ZNRF4: variants seen among roughly 807,000 people sequenced by gnomAD.
ZNRF4 encodes the protein E3 ubiquitin-protein ligase ZNRF4.
For synonymous variants in ZNRF4, 291 were observed against 285.9 expected, an observed-to-expected ratio of 1.02 and a Z score of -0.18; for missense variants, 569 against 609.4, an observed-to-expected ratio of 0.93 and a Z score of 0.70.
At position 5,455,852 on chromosome 19, in the gene ZNRF4, G is replaced by T; in HGVS notation, c.361G>T (p.Gly121Cys). 1.2e-6 allele frequency: 2 copies of T among 1,603,838 alleles called. No individual in the cohort carries two copies. Among genetic ancestry groups the T allele is most frequent in the Non-Finnish European group, 8.5e-7 (1 of 1,179,810 alleles). ...VDFADLPALF[G>C]VPLAPEGIRG... Reference sequence around the variant, plus strand: ...CTTTGCGGATCTGCCGGCGCTGTTCGGCGTCCCCCTGGCCCCCGAGGGCAT... The same window carrying T: ...CTTTGCGGATCTGCCGGCGCTGTTCTGCGTCCCCCTGGCCCCCGAGGGCAT... Residue 121 changes from glycine (G) to cysteine (C), a missense_variant, in exon 1 of 1, where the codon GGC (glycine) becomes TGC (cysteine). Gly to Cys is a radical substitution (Grantham distance 159, BLOSUM62 -3). Transcript: ENST00000222033.
rs535122479 is a variant in ZNRF4, at chr19:5,456,053, G to A, written c.562G>A (p.Val188Ile). 2.2e-5 allele frequency: 36 copies of A among 1,603,542 alleles called. No individual in the cohort carries two copies. In the East Asian group the frequency reaches 3.6e-4, roughly 16 times the overall value. ...AGFEAAIVHN[V>I]HSDDLVSMTH... ...CTTCGAGGCGGCCATCGTGCACAAC[G>A]TCCACTCCGACGACCTCGTGAGCAT... The change falls in exon 1 of 1, where the codon GTC (valine) becomes ATC (isoleucine). Residue 188 changes from valine (V) to isoleucine (I), a missense_variant. Transcript: ENST00000222033.
In ZNRF4 at chr19:5,455,721, G is replaced by A; in HGVS notation, c.230G>A (p.Gly77Asp). 6.2e-7 allele frequency: 1 copy of A among 1,607,082 alleles called. No homozygotes were observed. Among genetic ancestry groups the A allele is most frequent in the Non-Finnish European group, 8.5e-7 (1 of 1,179,808 alleles). Reference protein sequence around the residue: ...KRVTMGWPRPGRALVAVKALL... With the variant: ...KRVTMGWPRPDRALVAVKALL... The stretch of plus-strand genomic sequence containing the variant: ...GTGACCATGGGGTGGCCACGGCCGG[G>A]CCGAGCCCTCGTGGCAGTCAAAGCC... Residue 77 changes from glycine to aspartate, a missense_variant, in exon 1 of 1, where the codon GGC (glycine) becomes GAC (aspartate). Transcript: ENST00000222033.
chr19:5,456,295 C>T lies in ZNRF4; in HGVS notation c.804C>T (p.Ala268=), dbSNP rs1440599969. The change falls in exon 1 of 1, where the codon GCC becomes GCT. Residue 268 remains alanine, a synonymous_variant. Coordinates refer to ENST00000222033, the MANE Select transcript of ZNRF4 (RefSeq NM_181710.4). ...GTACCCTGGCCCTGGTCGTATCAGC[C>T]TTCTTTGTCCTGAACCACCTGTGGC... is the stretch of plus-strand genomic sequence containing the variant. ...LGCTLALVVS[A]FFVLNHLWLW... The T allele has an allele frequency of 1.9e-6, 3 of 1,613,858 alleles. No homozygotes were observed. Among genetic ancestry groups the T allele is most frequent in the Non-Finnish European group, 8.5e-7 (1 of 1,180,050 alleles).
Position 5,456,481 on chromosome 19 carries a change from C to T in ZNRF4, c.990C>T (p.Thr330=). ...DQLKILPCSH[T]YHCKCIDPWF... ...TCAAGATCCTGCCCTGCTCCCACACCTACCACTGCAAATGCATTGACCCCT... is the reference window on the plus strand; with the variant it reads ...TCAAGATCCTGCCCTGCTCCCACACTTACCACTGCAAATGCATTGACCCCT... Residue 330 remains threonine (T), a synonymous_variant, in exon 1 of 1, where the codon ACC becomes ACT. Transcript: ENST00000222033. 6.2e-7 allele frequency: 1 copy of T among 1,614,166 alleles called. No individual in the cohort carries two copies. Among genetic ancestry groups the T allele is most frequent in the Non-Finnish European group, 8.5e-7 (1 of 1,180,044 alleles).
Position 5,455,514 on chromosome 19 carries a change from A to G in ZNRF4, c.23A>G (p.His8Arg). 6.2e-7 allele frequency: 1 copy of G among 1,611,304 alleles called. No individual in the cohort carries two copies. Among genetic ancestry groups the G allele is most frequent in the Non-Finnish European group, 8.5e-7 (1 of 1,179,092 alleles). The change falls in exon 1 of 1, where the codon CAC becomes CGC. Residue 8 changes from histidine (H) to arginine (R), a missense_variant. Transcript: ENST00000222033. ...CGCATGCCGCTCTGCCGTCCGGAGCACTTAATGCCTAGAGCCAGCAGGGTC... is the reference window on the plus strand; with the variant it reads ...CGCATGCCGCTCTGCCGTCCGGAGCGCTTAATGCCTAGAGCCAGCAGGGTC... MPLCRPEHLMPRASRVPV... is the reference protein window; with the variant it reads MPLCRPERLMPRASRVPV...
Position 5,456,149 on chromosome 19 carries a change from C to T in ZNRF4, c.658C>T (p.Gln220Ter). The change falls in exon 1 of 1, where the codon CAG (glutamine) becomes TAG (stop). Residue 220 changes from glutamine to a stop codon, truncating the protein, a stop_gained. Coordinates refer to ENST00000222033, the MANE Select transcript of ZNRF4 (RefSeq NM_181710.4). LOFTEE classifies it low-confidence loss of function (END_TRUNC). ...PSVFVSEAAS[Q>*]DLRVILGCNK... is the part of the protein sequence containing the mutation. ...AGTGTTCGTGAGCGAGGCCGCCTCG[C>T]AGGACCTGCGGGTCATCCTGGGCTG... 6.2e-7 allele frequency: 1 copy of T among 1,607,262 alleles called. No individual in the cohort carries two copies. Among genetic ancestry groups the T allele is most frequent in the Non-Finnish European group, 8.5e-7 (1 of 1,179,836 alleles).
In ZNRF4 at chr19:5,456,486, AC is replaced by A; in HGVS notation, c.996del (p.Cys333AlafsTer?). On this transcript the variant is annotated frameshift_variant, in exon 1 of 1. Coordinates refer to ENST00000222033, the MANE Select transcript of ZNRF4 (RefSeq NM_181710.4). LOFTEE classifies it low-confidence loss of function (END_TRUNC). The part of the protein sequence containing the change: ...LKILPCSHTY[H>X]CKCIDPWFSQ... ...ATCCTGCCCTGCTCCCACACCTACC[AC>A]TGCAAATGCATTGACCCCTGGTTCT... is the stretch of plus-strand genomic sequence containing the variant. The A allele has an allele frequency of 1.2e-6, 2 of 1,613,936 alleles. No homozygotes were observed. Among genetic ancestry groups the A allele is most frequent in the Non-Finnish European group, 1.7e-6 (2 of 1,179,990 alleles).
rs2051615298 is a variant in ZNRF4 at position 5,456,084 on chromosome 19, A to G, written c.593A>G (p.His198Arg). ...TCCGACGACCTCGTGAGCATGACCC[A>G]CGTCTACGAGGACTTGAGGGGCCAG... ...VHSDDLVSMT[H>R]VYEDLRGQIA... The change falls in exon 1 of 1, where the codon CAC becomes CGC. Residue 198 changes from histidine to arginine, a missense_variant. Coordinates refer to ENST00000222033, the MANE Select transcript of ZNRF4 (RefSeq NM_181710.4). 1 of 1,605,806 alleles carries G rather than the reference A, an allele frequency of 6.2e-7. No individual in the cohort carries two copies. Among genetic ancestry groups the G allele is most frequent in the Non-Finnish European group, 8.5e-7 (1 of 1,179,848 alleles).
rs376788647 is a variant in ZNRF4, at chr19:5,455,469, A to G, written c.-23A>G. The G allele has an allele frequency of 1.4e-4, 227 of 1,571,474 alleles. No individual in the cohort carries two copies. Among genetic ancestry groups the G allele is most frequent in the Non-Finnish European group, 1.9e-4 (216 of 1,158,304 alleles). ...GCCACCTGCGCCAGCACCTCCTGAG[A>G]CCGGCCTTCAAAGACACGACGCATG... On this transcript the variant is annotated 5_prime_UTR_variant, in exon 1 of 1. Coordinates refer to ENST00000222033, the MANE Select transcript of ZNRF4 (RefSeq NM_181710.4).
Position 5,456,631 on chromosome 19 carries a change from G to GC in ZNRF4, c.1146dup (p.Ile383HisfsTer43), listed in dbSNP as rs755501349. 8.7e-5 allele frequency: 141 copies of GC among 1,613,286 alleles called. No homozygotes were observed. In the African/African-American group the frequency reaches 1.6e-3, roughly 19 times the overall value. On this transcript the variant is annotated frameshift_variant, in exon 1 of 1. Coordinates refer to ENST00000222033, the MANE Select transcript of ZNRF4 (RefSeq NM_181710.4). LOFTEE classifies it low-confidence loss of function (END_TRUNC). ...AGGACCCCTCCCTACCGGGCCACCG[G>GC]CCCCCCATCTGGGCCATTCAAGTCC...
In ZNRF4 at chr19:5,455,837, C is replaced by A. The variant is rs766048748; in HGVS notation, c.346C>A (p.Leu116Met). Residue 116 changes from leucine to methionine, a missense_variant, in exon 1 of 1, where the codon CTG becomes ATG. Coordinates refer to ENST00000222033, the MANE Select transcript of ZNRF4 (RefSeq NM_181710.4). ...CTCGAGCTCGGTGGACTTTGCGGAT[C>A]TGCCGGCGCTGTTCGGCGTCCCCCT... ...DNSSSVDFAD[L>M]PALFGVPLAP... The A allele has an allele frequency of 8.1e-6, 13 of 1,604,130 alleles. No homozygotes were observed. In the South Asian group the frequency reaches 1.2e-4, roughly 15 times the overall value.
chr19:5,456,692 G>T lies in ZNRF4; in HGVS notation c.1201G>T (p.Ala401Ser). ...CCGGAGGCTGGAGCTGCTGGGCCGC[G>T]CCAGTCCCCACTGCCACTGCAGCAC... Reference protein sequence around the residue: ...RSRRLELLGRASPHCHCSTTS... With the variant: ...RSRRLELLGRSSPHCHCSTTS... Residue 401 changes from alanine to serine, a missense_variant, in exon 1 of 1, where the codon GCC (alanine) becomes TCC (serine). Ala to Ser is a moderately conservative substitution (Grantham distance 99, BLOSUM62 1). Coordinates refer to ENST00000222033, the MANE Select transcript of ZNRF4 (RefSeq NM_181710.4). 1.2e-6 allele frequency: 2 copies of T among 1,612,756 alleles called. No homozygotes were observed. Among genetic ancestry groups the T allele is most frequent in the Non-Finnish European group, 1.7e-6 (2 of 1,179,134 alleles).
In ZNRF4 at chr19:5,456,675, T is replaced by G. The variant is rs560119897; in HGVS notation, c.1184T>G (p.Leu395Arg). The change falls in exon 1 of 1, where the codon CTG becomes CGG. Residue 395 changes from leucine (L) to arginine (R), a missense_variant. Coordinates refer to ENST00000222033, the MANE Select transcript of ZNRF4 (RefSeq NM_181710.4). The stretch of plus-strand genomic sequence containing the variant: ...CAAGTCCAGCTACGCTCCCGGAGGC[T>G]GGAGCTGCTGGGCCGCGCCAGTCCC... ...AIQVQLRSRR[L>R]ELLGRASPHC... The G allele has an allele frequency of 1.2e-6, 2 of 1,613,416 alleles. No homozygotes were observed. Among genetic ancestry groups the G allele is most frequent in the African/African-American group, 2.7e-5 (2 of 75,050 alleles).
chr19:5,455,614 C>G lies in ZNRF4; in HGVS notation c.123C>G (p.Pro41=), dbSNP rs772371194. 1 of 1,611,108 alleles carries G rather than the reference C, an allele frequency of 6.2e-7. No individual in the cohort carries two copies. Among genetic ancestry groups the G allele is most frequent in the Non-Finnish European group, 8.5e-7 (1 of 1,179,996 alleles). ...TQLPSRPGHR[P]PGRPRRCPKA... ...TGCCCTCGCGTCCTGGCCACAGGCC[C>G]CCTGGGAGACCCCGGAGATGCCCAA... The change falls in exon 1 of 1, where the codon CCC becomes CCG. Residue 41 remains proline (P), a synonymous_variant. Transcript: ENST00000222033.
rs374568318 is a variant in ZNRF4 at position 5,456,409 on chromosome 19, C to T, written c.918C>T (p.Asn306=). Residue 306 remains asparagine, a synonymous_variant, in exon 1 of 1, where the codon AAC becomes AAT. Coordinates refer to ENST00000222033, the MANE Select transcript of ZNRF4 (RefSeq NM_181710.4). ...KAQVRTFTWH[N]DLCAICLDEY... is the part of the protein sequence containing the mutation. ...AGGTCCGCACCTTCACGTGGCACAA[C>T]GACCTGTGTGCCATCTGCCTGGATG... The T allele has an allele frequency of 1.9e-5, 31 of 1,613,430 alleles. No homozygotes were observed. The highest frequency in any genetic ancestry group is 1.3e-4 in the South Asian group (12 of 91,092).
At position 5,455,551 on chromosome 19, in the gene ZNRF4, G is replaced by C. The variant is rs147873454; in HGVS notation, c.60G>C (p.Ala20=). 1,015 of 1,612,810 alleles carry C rather than the reference G, an allele frequency of 6.3e-4. 2 individuals carry two copies. Among genetic ancestry groups the C allele is most frequent in the Middle Eastern group, 1.2e-3 (7 of 6,060 alleles). Residue 20 remains alanine, a synonymous_variant, in exon 1 of 1, where the codon GCG becomes GCC. Coordinates refer to ENST00000222033, the MANE Select transcript of ZNRF4 (RefSeq NM_181710.4). The stretch of plus-strand genomic sequence containing the variant: ...GAGCCAGCAGGGTCCCAGTGGCCGC[G>C]TCACTGCCTCTGAGCCACGCGGTCA... ...MPRASRVPVA[A]SLPLSHAVIP...
Position 5,456,803 on chromosome 19 carries a change from G to A in ZNRF4, c.*22G>A. The A allele has an allele frequency of 6.6e-6, 10 of 1,510,012 alleles. No individual in the cohort carries two copies. The highest frequency in any genetic ancestry group is 8.9e-6 in the Non-Finnish European group (10 of 1,128,164). The allele number at this position is 1,510,012 out of a possible 1,614,324, so 93.5% of individuals were successfully genotyped here. A position where few individuals can be genotyped will look rare whatever the true frequency, so the allele number is the denominator to read the frequency against. On this transcript the variant is annotated 3_prime_UTR_variant, in exon 1 of 1. Coordinates refer to ENST00000222033, the MANE Select transcript of ZNRF4 (RefSeq NM_181710.4). Reference sequence around the variant, plus strand: ...GTAAAGATCTAGGGCAGGGAGGGGGGTGCAATGAGGAATGTTTCTGGTCTG... The same window carrying A: ...GTAAAGATCTAGGGCAGGGAGGGGGATGCAATGAGGAATGTTTCTGGTCTG...
Position 5,455,926 on chromosome 19 carries a change from C to T in ZNRF4, c.435C>T (p.Ile145=), listed in dbSNP as rs200308032. 76 of 1,601,022 alleles carry T rather than the reference C, an allele frequency of 4.7e-5. No homozygotes were observed. Among genetic ancestry groups the T allele is most frequent in the Admixed American group, 3.7e-4 (22 of 59,994 alleles). Residue 145 remains isoleucine (I), a synonymous_variant, in exon 1 of 1, where the codon ATC becomes ATT. Transcript: ENST00000222033. ...EVKPANACHP[I]EAPRLGNRSL... is the part of the protein sequence containing the mutation. The stretch of plus-strand genomic sequence containing the variant: ...AGCCAGCCAACGCGTGCCATCCCAT[C>T]GAGGCCCCGCGACTGGGCAACCGCT...
rs755046249 is a variant in ZNRF4, at chr19:5,456,032, G to C, written c.541G>C (p.Glu181Gln). The stretch of plus-strand genomic sequence containing the variant: ...GCTGAACGCCCAGCGCGCCGGCTTC[G>C]AGGCGGCCATCGTGCACAACGTCCA... ...KVLNAQRAGF[E>Q]AAIVHNVHSD... The change falls in exon 1 of 1, where the codon GAG becomes CAG. Residue 181 changes from glutamate to glutamine, a missense_variant. Coordinates refer to ENST00000222033, the MANE Select transcript of ZNRF4 (RefSeq NM_181710.4). 6.2e-7 allele frequency: 1 copy of C among 1,601,864 alleles called. No homozygotes were observed. The highest frequency in any genetic ancestry group is 8.5e-7 in the Non-Finnish European group (1 of 1,179,800).
Sources: gnomAD v4.1 joint callset for allele counts on GRCh38, gnomAD v4.1.1 for gene constraint, MANE v1.5 for transcripts, NCBI Gene and HGNC (gene_info 2026-07-23, HGNC 2026-07-21) for gene names.